ZNF385B: variants seen among roughly 807,000 people sequenced by gnomAD.
ZNF385B encodes zinc finger protein 533.
Under a neutral mutation model 39.2 loss-of-function variants are expected in ZNF385B, and 23 were observed. The observed-to-expected ratio is 0.59, with a 90% CI of 0.42 to 0.83. ZNF385B has a LOEUF of 0.83. ZNF385B is among the 40% of genes least tolerant of loss of function. The pLI, the probability that ZNF385B is intolerant of heterozygous loss-of-function variation, is 0.00. For missense variants in ZNF385B, 552 were observed against 598.9 expected, an observed-to-expected ratio of 0.92 and a Z score of 0.82; for synonymous variants, 205 against 222.6, an observed-to-expected ratio of 0.92 and a Z score of 0.70.
At chr2:179,601,719 T>C (rs2106105176) in intron 3 of ZNF385B, among the ~76,000 whole-genome samples, 1 of 152,322 alleles carries the variant, frequency 6.6e-6, no homozygotes, top group African/African-American at 2.4e-5. Context: ...TTAATTGCAA[T>C]GTACTCATTA....
chr2:179,565,238 C>T (rs545387754), intron 3 of ZNF385B, among the ~76,000 whole-genome samples: 1 of 152,284 alleles, frequency 6.6e-6, no homozygotes, highest in South Asian at 2.1e-4. Context: ...AATCTCTACT[C>T]GGCTACTTAC....
intron 1 of ZNF385B, among the ~76,000 whole-genome samples, chr2:179,795,258 G>GA (rs5836696): frequency 0.4 from 60,966 of 151,686 alleles, 12,733 homozygotes; most frequent in African/African-American, 0.49. Flanking sequence ...ACTTTCAGGG[G>GA]AAAAAAAGCA....
At chr2:179,463,719 A>G (rs1289358339) in intron 6 of ZNF385B, among the ~76,000 whole-genome samples, 1 of 152,180 alleles carries the variant, frequency 6.6e-6, no homozygotes, top group African/African-American at 2.4e-5. Context: ...TCCATGGTGT[A>G]TATGTGCCAC....
chr2:179,525,664 GTTA>G (rs1395850616), intron 4 of ZNF385B, among the ~76,000 whole-genome samples: 1 of 151,614 alleles, frequency 6.6e-6, no homozygotes, highest in Middle Eastern at 3.5e-3. Flanking sequence ...TATCAGTATC[GTTA>G]TTATTATTAC....
chr2:179,851,600 A>G (rs1367565583), intron 1 of ZNF385B, among the ~76,000 whole-genome samples: 1 of 152,242 alleles, frequency 6.6e-6, no homozygotes, highest in Non-Finnish European at 1.5e-5. Context: ...GGTTTTATAG[A>G]TAACAAAGCA....
intron 1 of ZNF385B, among the ~76,000 whole-genome samples, chr2:179,798,561 G>A (rs1705827301): frequency 6.6e-6 from 1 of 152,046 alleles, no homozygotes; most frequent in African/African-American, 2.4e-5. Context: ...ATTCCAGTAT[G>A]CAAGGACACA....
chr2:179,836,372 C>T (rs1380778384), intron 1 of ZNF385B, among the ~76,000 whole-genome samples: 1 of 152,180 alleles, frequency 6.6e-6, no homozygotes, highest in Admixed American at 6.5e-5. Context: ...GCAGGTTAAA[C>T]TCTGTATTGC....
intron 5 of ZNF385B, among the ~76,000 whole-genome samples, chr2:179,505,287 A>T (rs967308985): frequency 2.0e-5 from 3 of 152,064 alleles, no homozygotes; most frequent in South Asian, 2.1e-4. Context: ...AAAGTGTAAT[A>T]AAAACTGTAA....
At position 179,666,644 on chromosome 2, in the gene ZNF385B, CT is replaced by C. The variant is rs35662772; in HGVS notation, c.298+102858del. ...ACTGACACCAAGAGAGGAAAATCAT[CT>C]TTTTTTTTTGTCAAATAATCATAAG... On this transcript the variant is annotated intron_variant, in intron 3 of 9. Transcript: ENST00000410066. Among the ~76,000 whole-genome samples, 1,245 of 148,580 alleles carry C rather than the reference CT, an allele frequency of 8.4e-3. 15 individuals carry two copies. Among genetic ancestry groups the C allele is most frequent in the African/African-American group, 0.023 (941 of 40,656 alleles).
intron 1 of ZNF385B, among the ~76,000 whole-genome samples, chr2:179,826,267 A>G (rs907800286): frequency 1.3e-5 from 2 of 152,200 alleles, no homozygotes; most frequent in Non-Finnish European, 2.9e-5. Context: ...GAGTATTTTA[A>G]CAAAGACTGA....
At chr2:179,471,296 T>C (rs1230050042) in intron 6 of ZNF385B, among the ~76,000 whole-genome samples, 1 of 152,110 alleles carries the variant, frequency 6.6e-6, no homozygotes, top group Non-Finnish European at 1.5e-5. Context: ...CATCAAGACA[T>C]TAGAAGTTAT....
chr2:179,648,240 T>G (rs1692907055), intron 3 of ZNF385B, among the ~76,000 whole-genome samples: 1 of 152,014 alleles, frequency 6.6e-6, no homozygotes, highest in Non-Finnish European at 1.5e-5. Context: ...CCAGTTGGGA[T>G]GAGGAGGCAT....
intron 6 of ZNF385B, among the ~76,000 whole-genome samples, chr2:179,456,104 A>G (rs2050676991): frequency 6.6e-6 from 1 of 152,208 alleles, no homozygotes; most frequent in Admixed American, 6.5e-5. Flanking sequence ...AAAGGCTATC[A>G]TGTTTGTACC....
chr2:179,717,999 G>C (rs992611369), intron 3 of ZNF385B, among the ~76,000 whole-genome samples: 2 of 151,998 alleles, frequency 1.3e-5, no homozygotes, highest in African/African-American at 4.8e-5. Context: ...AGACATTTTT[G>C]CTACTAAATT....
chr2:179,709,809 A>ATTGCCTCT (rs1699872821), intron 3 of ZNF385B, among the ~76,000 whole-genome samples: 1 of 152,138 alleles, frequency 6.6e-6, no homozygotes, highest in Non-Finnish European at 1.5e-5. Flanking sequence ...GACTACCTAG[A>ATTGCCTCT]ACCTTTGCCT....
At chr2:179,657,319 G>T (rs1293936884) in intron 3 of ZNF385B, among the ~76,000 whole-genome samples, 1 of 152,156 alleles carries the variant, frequency 6.6e-6, no homozygotes, top group Admixed American at 6.5e-5. Flanking sequence ...TTTGCTGTTT[G>T]GTTCCTTTCA....
At chr2:179,459,829 C>T (rs1439794732) in intron 6 of ZNF385B, among the ~76,000 whole-genome samples, 1 of 151,122 alleles carries the variant, frequency 6.6e-6, no homozygotes, top group Non-Finnish European at 1.5e-5. Context: ...AGCGGCCAGG[C>T]GTGGTGGCTC....
At chr2:179,822,926 T>C (rs1575556437) in intron 1 of ZNF385B, among the ~76,000 whole-genome samples, 1 of 152,200 alleles carries the variant, frequency 6.6e-6, no homozygotes. Context: ...CAAAGTTCTA[T>C]TAGTTATTAT....
At chr2:179,631,175 C>T (rs1691173175) in intron 3 of ZNF385B, among the ~76,000 whole-genome samples, 1 of 152,134 alleles carries the variant, frequency 6.6e-6, no homozygotes, top group Non-Finnish European at 1.5e-5. Context: ...GAGAACACCA[C>T]AAAGATACTC....
Sources: gnomAD v4.1 joint callset for allele counts (sites outside exome capture counted in the v4.1 genomes callset) on GRCh38, gnomAD v4.1.1 for gene constraint, MANE v1.5 for transcripts, NCBI Gene and HGNC (gene_info 2026-07-23, HGNC 2026-07-21) for gene names.